ATP10B: variants seen among roughly 807,000 people sequenced by gnomAD.
ATP10B encodes ATPase phospholipid transporting 10B (putative), also known as phospholipid-transporting ATPase VB.
ATP10B carries 122 observed loss-of-function variants against 141.2 expected under a neutral mutation model. The ratio of observed to expected loss-of-function variants is 0.86; its 90% confidence interval spans 0.75 to 1.00. The LOEUF (loss-of-function observed/expected upper bound fraction) is 1.00, where lower values mean the gene tolerates loss of function less well. Among genes scored for constraint, ATP10B ranks in the 50% least tolerant of loss-of-function variants. The pLI is 0.00. For missense variants in ATP10B, 1,876 were observed against 1,825.3 expected, an observed-to-expected ratio of 1.03 and a Z score of -0.51; for synonymous variants, 685 against 692.0, an observed-to-expected ratio of 0.99 and a Z score of 0.16.
At chr5:160,775,676 ATTTTTT>A (rs10642787) in intron 2 of ATP10B, among the ~76,000 whole-genome samples, 7 of 116,822 alleles carry the variant, frequency 6.0e-5, no homozygotes, top group African/African-American at 1.6e-4. Flanking sequence ...CAAGTTTCAG[ATTTTTT>A]TTTTTTTTTT....
Position 160,586,329 on chromosome 5 carries a change from T to C in ATP10B, c.3750+3263A>G, listed in dbSNP as rs556590247. Among the ~76,000 whole-genome samples, 4 of 152,294 alleles carry C rather than the reference T, an allele frequency of 2.6e-5. No homozygotes were observed. In the South Asian group the frequency reaches 8.3e-4, roughly 32 times the overall value. ...GACCTCATTCTTTTTTATGGCTGCA[T>C]AGTATTCTATAGTGTGTGTGTGTAC... On this transcript the variant is annotated intron_variant, in intron 24 of 25. Transcript: ENST00000327245.
At chr5:160,908,282 T>C in the ATP10B span, among the ~76,000 whole-genome samples, 1 of 152,274 alleles carries the variant, frequency 6.6e-6, no homozygotes, top group Non-Finnish European at 1.5e-5. Flanking sequence ...TTTCCCTTTG[T>C]TTTCCTGCTT....
At chr5:160,625,659 C>T (rs1393185567) in intron 13 of ATP10B, among the ~76,000 whole-genome samples, 1 of 152,192 alleles carries the variant, frequency 6.6e-6, no homozygotes. Flanking sequence ...CCAAGCTATG[C>T]ATTATGTATT....
chr5:160,863,181 A>T, the ATP10B span, among the ~76,000 whole-genome samples: 1 of 151,890 alleles, frequency 6.6e-6, no homozygotes, highest in Admixed American at 6.6e-5. Flanking sequence ...TGATGCTCCC[A>T]CTCGTTAGTG....
the ATP10B span, among the ~76,000 whole-genome samples, chr5:160,861,912 T>C: frequency 9.9e-5 from 15 of 151,998 alleles, no homozygotes; most frequent in Admixed American, 8.5e-4. Context: ...ATTTTAATGA[T>C]AAGTAACTAT....
chr5:160,676,852 C>G (rs1763061253), intron 6 of ATP10B, among the ~76,000 whole-genome samples: 1 of 152,022 alleles, frequency 6.6e-6, no homozygotes. Context: ...TATCATTATC[C>G]CTATTTCATA....
At chr5:160,733,020 T>C (rs1766849637) in intron 2 of ATP10B, among the ~76,000 whole-genome samples, 2 of 152,168 alleles carry the variant, frequency 1.3e-5, no homozygotes. Flanking sequence ...ATAGGTATTG[T>C]ATTAAATATG....
chr5:160,632,460 A>C, intron 12 of ATP10B, 93 bp from the exon 13 acceptor site: 1 of 1,198,764 alleles, frequency 8.3e-7, no homozygotes, highest in Non-Finnish European at 1.2e-6. Context: ...TGGTAAGAGC[A>C]TGGGAAGGGC....
At chr5:160,655,994 C>T (rs1368453605) in intron 7 of ATP10B, among the ~76,000 whole-genome samples, 1 of 152,162 alleles carries the variant, frequency 6.6e-6, no homozygotes, top group Non-Finnish European at 1.5e-5. Context: ...CCTCCTCACT[C>T]ACCTGTGTCC....
intron 2 of ATP10B, among the ~76,000 whole-genome samples, chr5:160,769,917 G>A (rs1395488503): frequency 6.6e-6 from 1 of 152,184 alleles, no homozygotes; most frequent in East Asian, 1.9e-4. Flanking sequence ...TTTGCCCGAA[G>A]GGGATGCCAT....
chr5:160,870,499 A>G, the ATP10B span, among the ~76,000 whole-genome samples: 3 of 152,118 alleles, frequency 2.0e-5, no homozygotes, highest in Non-Finnish European at 4.4e-5. Flanking sequence ...TTGAAAACAT[A>G]ACAAAAACCT....
At chr5:160,910,931 G>C in the ATP10B span, among the ~76,000 whole-genome samples, 1 of 152,068 alleles carries the variant, frequency 6.6e-6, no homozygotes, top group African/African-American at 2.4e-5. Flanking sequence ...CTTTTTCCTG[G>C]GCGTAAGTTC....
At chr5:160,901,442 C>T in the ATP10B span, among the ~76,000 whole-genome samples, 1 of 152,098 alleles carries the variant, frequency 6.6e-6, no homozygotes, top group East Asian at 1.9e-4. Context: ...AGTTAGAATG[C>T]CTGTTTTGTT....
upstream of ATP10B, among the ~76,000 whole-genome samples, chr5:160,853,122 A>G (rs1037661667): frequency 1.3e-5 from 2 of 152,216 alleles, no homozygotes; most frequent in Non-Finnish European, 1.5e-5. Context: ...TAAAATCTGC[A>G]TCGCTGTGTG....
Position 160,819,984 on chromosome 5 carries a change from G to A in ATP10B, c.-576+31957C>T, listed in dbSNP as rs560463824. 4.6e-5 allele frequency among the ~76,000 whole-genome samples: 7 copies of A among 151,892 alleles called. No individual in the cohort carries two copies. The South Asian group carries it at 1.5e-3, about 32-fold the overall frequency. The stretch of plus-strand genomic sequence containing the variant: ...AAAGACCAAAGAAACAAAAGCAGGA[G>A]CAAACCAAATGCAAAATTAGTAGAA... On this transcript the variant is annotated intron_variant, in intron 1 of 25. Transcript: ENST00000327245.
chr5:160,572,040 C>T (rs1205789831), intron 24 of ATP10B, among the ~76,000 whole-genome samples: 3 of 152,148 alleles, frequency 2.0e-5, no homozygotes, highest in African/African-American at 4.8e-5. Flanking sequence ...AACTTTTGCT[C>T]AATCAAGTCT....
chr5:160,582,822 TAA>T (rs59176587), intron 24 of ATP10B, among the ~76,000 whole-genome samples: 4,976 of 152,114 alleles, frequency 0.033, 274 homozygotes, highest in African/African-American at 0.11. Flanking sequence ...GCTTTCTCAT[TAA>T]GTTTATCTTC....
rs767219324 is a variant in ATP10B at position 160,563,535 on chromosome 5, T to C, written c.*1918A>G. 2 of 152,224 alleles carry C rather than the reference T, an allele frequency of 1.3e-5. No individual in the cohort carries two copies. The highest frequency in any genetic ancestry group is 2.9e-5 in the Non-Finnish European group (2 of 68,026). 9.4% of individuals were successfully genotyped at this position (152,224 alleles called of 1,614,324 possible). On this transcript the variant is annotated 3_prime_UTR_variant, in exon 26 of 26. Transcript: ENST00000327245. ...TGTGAAATAAAAATCCCTTTTGTTATTACTGAGGGTGTTACAGCTTTCAGA... is the reference window on the plus strand; with the variant it reads ...TGTGAAATAAAAATCCCTTTTGTTACTACTGAGGGTGTTACAGCTTTCAGA...
At chr5:160,605,624 T>C (rs1169203052) in intron 19 of ATP10B, among the ~76,000 whole-genome samples, 7 of 152,338 alleles carry the variant, frequency 4.6e-5, no homozygotes, top group Middle Eastern at 3.4e-3. Flanking sequence ...CCCACTCTTG[T>C]TATTCTCTAC....
Sources: gnomAD v4.1 joint callset for allele counts (sites outside exome capture counted in the v4.1 genomes callset) on GRCh38, gnomAD v4.1.1 for gene constraint, MANE v1.5 for transcripts, NCBI Gene and HGNC (gene_info 2026-07-23, HGNC 2026-07-21) for gene names.